Variants in F11 observed in about 807,000 individuals in gnomAD.
F11 encodes coagulation factor XI, also known as coagualtion factor XI.
A neutral mutation model predicts 76.5 loss-of-function variants in F11; 78 were observed. That is an observed-to-expected ratio of 1.02 (90% CI 0.85 to 1.23). The LOEUF is 1.23. F11 is among the 50% of genes most tolerant of loss of function. The pLI is 0.00. For missense variants in F11, 742 were observed against 771.4 expected, an observed-to-expected ratio of 0.96 and a Z score of 0.45; for synonymous variants, 278 against 276.3, an observed-to-expected ratio of 1.01 and a Z score of -0.06.
At chr4:186,280,164 C>T (rs1291789385) in intron 8 of F11, 43 bp downstream of exon 8, 7 of 1,613,524 alleles carry the variant, frequency 4.3e-6, no homozygotes, top group African/African-American at 2.7e-5. Flanking sequence ...TGACCAGCCC[C>T]GAGGAGGCTG....
At chr4:186,282,988 C>A in intron 10 of F11, 1 of 985,350 alleles carries the variant, frequency 1.0e-6, no homozygotes, top group South Asian at 4.7e-5. Context: ...ATCAGTGATT[C>A]TTCTGTTAAC....
At chr4:186,280,441 A>G in intron 9 of F11, 33 bp from the exon 10 acceptor site, 1 of 1,614,134 alleles carries the variant, frequency 6.2e-7, no homozygotes, top group South Asian at 1.1e-5. Context: ...TGTGAGGTGC[A>G]TTATGTTTAT....
chr4:186,276,477 A>T, intron 7 of F11, 87 bp downstream of exon 7: 6 of 1,485,672 alleles, frequency 4.0e-6, no homozygotes, highest in Non-Finnish European at 5.6e-6. Context: ...GTAACTAAAA[A>T]TTTACTCTAA....
Position 186,289,512 on chromosome 4 carries a change from T to A in F11, c.*898T>A, listed in dbSNP as rs1741443653. Among the ~76,000 whole-genome samples, 1 of 152,156 alleles carries A rather than the reference T, an allele frequency of 6.6e-6. No individual in the cohort carries two copies. The highest frequency in any genetic ancestry group is 1.5e-5 in the Non-Finnish European group (1 of 68,026). ...AACAATTAGGGCGCAAATGGATAGT[T>A]ACAGTAAAGTCTTCAGCAAGCAGCT... On this transcript the variant is annotated 3_prime_UTR_variant, in exon 15 of 15. Transcript: ENST00000403665.
intron 13 of F11, among the ~76,000 whole-genome samples, chr4:186,287,191 G>A (rs1231195438): frequency 6.6e-6 from 1 of 151,822 alleles, no homozygotes; most frequent in African/African-American, 2.4e-5. Context: ...AGCCAGGATG[G>A]TCTCAATCTC....
rs73031654 is a variant in F11, at chr4:186,285,492, A to G, written c.1305-146A>G. ...GTGAATATGTTTTTTATCCCGAAAA[A>G]TCTTAGGATAAAATCACTTTTTTCT... On this transcript the variant is annotated intron_variant, in intron 11 of 14. Coordinates refer to ENST00000403665, the MANE Select transcript of F11 (RefSeq NM_000128.4). The G allele has an allele frequency of 2.3e-3, 1,832 of 809,920 alleles. 22 individuals are homozygous for G. In the African/African-American group the frequency reaches 0.025, roughly 11 times the overall value. 50.2% of individuals were successfully genotyped at this position (809,920 alleles called of 1,614,324 possible).
chr4:186,289,682 AT>A (rs11444909), downstream of F11, among the ~76,000 whole-genome samples: 44,916 of 137,364 alleles, frequency 0.33, 6,467 homozygotes, highest in Non-Finnish European at 0.37. Context: ...ATCAAGTGTG[AT>A]TTTTTTTTTT....
In F11 at chr4:186,280,239, A is replaced by G; in HGVS notation, c.882A>G (p.Ser294=). 1 of 1,614,066 alleles carries G rather than the reference A, an allele frequency of 6.2e-7. No homozygotes were observed. ...RHSIPVFCHS[S]FYHDTDFLGE... ...GCTGTCTAGTGTTCTGCCATTCTTC[A>G]TTTTACCATGACACTGATTTCTTGG... The change falls in exon 9 of 15, where the codon TCA becomes TCG. Residue 294 remains serine (S), a synonymous_variant. Transcript: ENST00000403665.
At chr4:186,284,814 G>A (rs1159422804) in intron 11 of F11, among the ~76,000 whole-genome samples, 1 of 152,126 alleles carries the variant, frequency 6.6e-6, no homozygotes, top group Non-Finnish European at 1.5e-5. Context: ...CTGGCATGGT[G>A]TTTTGTGTGC....
intron 6 of F11, 55 bp from the exon 7 acceptor site, chr4:186,276,176 A>G (rs560662502): frequency 6.2e-7 from 1 of 1,609,380 alleles, no homozygotes; most frequent in South Asian, 1.1e-5. Context: ...CTGTGACCGG[A>G]ATTTTCCTGA....
intron 3 of F11, 46 bp downstream of exon 3, chr4:186,271,817 A>G (rs1739989821): frequency 6.3e-7 from 1 of 1,590,394 alleles, no homozygotes. Flanking sequence ...TTTTAAAGGG[A>G]GATTGCTATT....
intron 5 of F11, 173 bp downstream of exon 5, chr4:186,274,448 G>A: frequency 1.3e-6 from 1 of 761,814 alleles, no homozygotes; most frequent in South Asian, 1.6e-5. Context: ...TAATTTGGAT[G>A]CATTTCATTT....
chr4:186,273,289 C>A, intron 4 of F11, 112 bp downstream of exon 4: 1 of 863,140 alleles, frequency 1.2e-6, no homozygotes, highest in East Asian at 2.6e-5. Flanking sequence ...AAATAAACCC[C>A]CTTAATGAAG....
At chr4:186,269,424 A>G (rs1739752061) in intron 2 of F11, among the ~76,000 whole-genome samples, 1 of 152,246 alleles carries the variant, frequency 6.6e-6, no homozygotes, top group African/African-American at 2.4e-5. Flanking sequence ...CCTAAAAAGA[A>G]AGGAAATTCT....
At chr4:186,271,564 GC>G in intron 2 of F11, 44 bp from the exon 3 acceptor site, 1 of 1,608,758 alleles carries the variant, frequency 6.2e-7, no homozygotes, top group Non-Finnish European at 8.5e-7. Flanking sequence ...CTAGATGTAT[GC>G]CCAGTAAAAT....
rs747013801 is a variant in F11, at chr4:186,287,772, C to T, written c.1665C>T (p.Thr555=). The change falls in exon 14 of 15, where the codon ACC becomes ACT. Residue 555 remains threonine (T), a synonymous_variant. Coordinates refer to ENST00000403665, the MANE Select transcript of F11 (RefSeq NM_000128.4). ...AGAGATACAGAGGACATAAAATAACCCATAAGATGATCTGTGCCGGCTACA... is the reference window on the plus strand; with the variant it reads ...AGAGATACAGAGGACATAAAATAACTCATAAGATGATCTGTGCCGGCTACA... ...CQKRYRGHKI[T]HKMICAGYRE... is the part of the protein sequence containing the mutation. The T allele has an allele frequency of 3.5e-5, 57 of 1,613,404 alleles. No homozygotes were observed. The highest frequency in any genetic ancestry group is 1.0e-4 in the Admixed American group (6 of 59,930).
intron 10 of F11, chr4:186,282,003 C>T (rs897289876): frequency 1.1e-5 from 14 of 1,251,678 alleles, no homozygotes; most frequent in African/African-American, 4.6e-5. Context: ...TCAATTACGT[C>T]GTATCTCATA....
At chr4:186,286,257 C>G in intron 12 of F11, 158 bp from the exon 13 acceptor site, 2 of 697,850 alleles carry the variant, frequency 2.9e-6, no homozygotes, top group Non-Finnish European at 5.0e-6. Flanking sequence ...TGTGCGATAT[C>G]GTGCTGAACC....
intron 2 of F11, among the ~76,000 whole-genome samples, chr4:186,270,852 C>G (rs1739897339): frequency 6.9e-6 from 1 of 144,100 alleles, no homozygotes; most frequent in African/African-American, 2.6e-5. Context: ...AACAACCATG[C>G]CCAGCTAGTA....
Sources: allele counts gnomAD v4.1 joint callset (sites outside exome capture counted in the v4.1 genomes callset), GRCh38; gene constraint gnomAD v4.1.1; transcripts MANE v1.5; gene names NCBI Gene and HGNC (gene_info 2026-07-23, HGNC 2026-07-21).